The following NBEAL1 variants were observed in gnomAD, a reference collection of about 807,000 sequenced individuals.
NBEAL1 encodes the protein neurobeachin like 1, also known as neurobeachin-like protein 1.
In NBEAL1, 273 loss-of-function variants were observed where a neutral mutation model predicts 351.3. The observed-to-expected ratio is 0.78, with a 90% CI of 0.70 to 0.86. The LOEUF is 0.86. NBEAL1 is among the 40% of genes least tolerant of loss of function. The pLI is 0.00. For synonymous variants in NBEAL1, 1,050 were observed against 1,086.4 expected (o/e 0.97, Z 0.66); for missense variants, 2,961 against 3,201.3 (o/e 0.92, Z 1.81).
chr2:203,070,944 T>C (rs1387948644), intron 7 of NBEAL1, among the ~76,000 whole-genome samples: 1 of 152,192 alleles, frequency 6.6e-6, no homozygotes, highest in African/African-American at 2.4e-5. Context: ...AAAATGTTTT[T>C]GTAGATAAGG....
rs763475955 is a variant in NBEAL1 at position 203,145,098 on chromosome 2, G to A, written c.5242G>A (p.Ala1748Thr). ...ACTTTATTGGAAGGATTGTTATGAAGCTTTAATGGTAAATATGCATAAACG... is the reference window on the plus strand; with the variant it reads ...ACTTTATTGGAAGGATTGTTATGAAACTTTAATGGTAAATATGCATAAACG... ...MALYWKDCYE[A>T]LMVNMHKRDR... is the part of the protein sequence containing the mutation. The change falls in exon 33 of 56, where the codon GCT becomes ACT. Residue 1748 changes from alanine (A) to threonine (T), a missense_variant. Coordinates refer to ENST00000683969, the MANE Select transcript of NBEAL1 (RefSeq NM_001378026.1). The A allele has an allele frequency of 5.0e-6, 8 of 1,613,098 alleles. No homozygotes were observed. Among genetic ancestry groups the A allele is most frequent in the Non-Finnish European group, 6.8e-6 (8 of 1,179,668 alleles).
intron 6 of NBEAL1, among the ~76,000 whole-genome samples, chr2:203,064,257 T>C (rs902237524): frequency 1.3e-5 from 2 of 152,138 alleles, no homozygotes; most frequent in African/African-American, 4.8e-5. Flanking sequence ...TTCACCATGT[T>C]GGCCAGACTG....
At position 203,166,020 on chromosome 2, in the gene NBEAL1, C is replaced by G. The variant is rs139162954; in HGVS notation, c.5715-129C>G. 9.5e-3 allele frequency: 7,693 copies of G among 809,652 alleles called. 414 individuals are homozygous for G. In the African/African-American group the frequency reaches 0.12, roughly 13 times the overall value. 50.2% of individuals were successfully genotyped at this position (809,652 alleles called of 1,614,324 possible). ...CGACATTGTGCCACTGCACTCCAGCCTGGGTGACAGCAAGACCTTGTCTCA... is the reference window on the plus strand; with the variant it reads ...CGACATTGTGCCACTGCACTCCAGCGTGGGTGACAGCAAGACCTTGTCTCA... On this transcript the variant is annotated intron_variant, in intron 36 of 55. Coordinates refer to ENST00000683969, the MANE Select transcript of NBEAL1 (RefSeq NM_001378026.1).
At chr2:203,152,965 G>C (rs1191960511) in intron 35 of NBEAL1, among the ~76,000 whole-genome samples, 1 of 152,012 alleles carries the variant, frequency 6.6e-6, no homozygotes, top group African/African-American at 2.4e-5. Context: ...TTGAACCCGA[G>C]AGGCAGAGGT....
chr2:203,097,753 T>A (rs2062213746), intron 11 of NBEAL1, 120 bp downstream of exon 11: 1 of 233,568 alleles, frequency 4.3e-6, no homozygotes, highest in Non-Finnish European at 7.0e-6. Flanking sequence ...ATTCTAATAT[T>A]TATTAATTAT....
At chr2:203,180,933 ATTTTTTTT>A (rs10671968) in intron 43 of NBEAL1, 2 of 61,698 alleles carry the variant, frequency 3.2e-5, no homozygotes, top group Non-Finnish European at 6.0e-5. Flanking sequence ...CAGCCAGTCA[ATTTTTTTT>A]TTTTTTTTTT....
intron 34 of NBEAL1, among the ~76,000 whole-genome samples, chr2:203,150,624 A>G (rs927626285): frequency 2.0e-5 from 3 of 152,028 alleles, no homozygotes; most frequent in Admixed American, 1.3e-4. Context: ...TTGGTGTCAT[A>G]TCTAAGAAAC....
chr2:203,130,100 T>A (rs1418512026), intron 24 of NBEAL1, among the ~76,000 whole-genome samples: 1 of 152,164 alleles, frequency 6.6e-6, no homozygotes, highest in Non-Finnish European at 1.5e-5. Flanking sequence ...AAGTCGAGGC[T>A]GCAGTGAGCT....
chr2:203,096,677 T>G (rs1341058143), intron 10 of NBEAL1, among the ~76,000 whole-genome samples: 1 of 152,222 alleles, frequency 6.6e-6, no homozygotes, highest in Non-Finnish European at 1.5e-5. Flanking sequence ...TCTTGATGAC[T>G]TTGGAGAATA....
chr2:203,069,915 C>T (rs1238919289), intron 7 of NBEAL1, among the ~76,000 whole-genome samples: 1 of 152,190 alleles, frequency 6.6e-6, no homozygotes, highest in African/African-American at 2.4e-5. Context: ...CCACCTCAGC[C>T]TCTCCAGGTA....
rs71034227 is a variant in NBEAL1 at position 203,190,159 on chromosome 2, T to TACACACACAC, written c.6824-92_6824-83dup. 246 of 450,498 alleles carry TACACACACAC rather than the reference T, an allele frequency of 5.5e-4. 1 individual carries two copies. The highest frequency in any genetic ancestry group is 3.5e-3 in the African/African-American group (146 of 41,550). 27.9% of individuals were successfully genotyped at this position (450,498 alleles called of 1,614,324 possible). On this transcript the variant is annotated intron_variant, in intron 45 of 55. Transcript: ENST00000683969. ...TCAAAAAAAAAAAAAAAGATGTGTG[T>TACACACACAC]ACACACACACACACACACACACACA...
chr2:203,021,857 G>A (rs958950356), intron 2 of NBEAL1, among the ~76,000 whole-genome samples: 1 of 151,820 alleles, frequency 6.6e-6, no homozygotes, highest in Non-Finnish European at 1.5e-5. Flanking sequence ...AGACCAGCGT[G>A]GCCAAAATGG....
intron 36 of NBEAL1, among the ~76,000 whole-genome samples, chr2:203,159,061 C>T (rs1246420798): frequency 2.0e-5 from 3 of 152,036 alleles, no homozygotes; most frequent in Admixed American, 2.0e-4. Flanking sequence ...CCACATGATC[C>T]TCCCGTCTTG....
At chr2:203,018,282 T>TTC (rs2060713558) in intron 2 of NBEAL1, among the ~76,000 whole-genome samples, 1 of 151,630 alleles carries the variant, frequency 6.6e-6, no homozygotes, top group African/African-American at 2.4e-5. Flanking sequence ...CTTTTTTTTT[T>TTC]CACACTTTTA....
rs562043070 is a variant in NBEAL1, at chr2:203,097,530, G to T, written c.1099-17G>T. The stretch of plus-strand genomic sequence containing the variant: ...TTAATGTTCTTTCTCCATTATTCTT[G>T]TCTCTGTTTTTAACAGCTATTTTTA... On this transcript the variant is annotated splice_polypyrimidine_tract_variant and intron_variant, in intron 10 of 55. Transcript: ENST00000683969. The T allele has an allele frequency of 1.0e-6, 1 of 957,848 alleles. No individual in the cohort carries two copies. The highest frequency in any genetic ancestry group is 1.2e-6 in the Non-Finnish European group (1 of 804,510). 59.3% of individuals were successfully genotyped at this position (957,848 alleles called of 1,614,324 possible).
At chr2:203,090,310 T>C (rs532990560) in intron 10 of NBEAL1, among the ~76,000 whole-genome samples, 25 of 152,338 alleles carry the variant, frequency 1.6e-4, no homozygotes, top group African/African-American at 5.5e-4. Flanking sequence ...GTGAACATTA[T>C]ATCCAATGGA....
chr2:203,224,779 C>A lies in NBEAL1; in HGVS notation c.*7425C>A, dbSNP rs2065990984. Among the ~76,000 whole-genome samples, 1 of 152,140 alleles carries A rather than the reference C, an allele frequency of 6.6e-6. No homozygotes were observed. The highest frequency in any genetic ancestry group is 2.1e-4 in the South Asian group (1 of 4,822). ...TATATCTAATTATTGACTGTGCAAA[C>A]TGTGACTCAGTGGATATTTGTATGC... On this transcript the variant is annotated 3_prime_UTR_variant, in exon 56 of 56. Transcript: ENST00000683969.
intron 4 of NBEAL1, among the ~76,000 whole-genome samples, chr2:203,055,969 C>A (rs1321621930): frequency 6.6e-6 from 1 of 151,972 alleles, no homozygotes. Flanking sequence ...TAAAAGGAAA[C>A]CGTAATTCAA....
Position 203,213,666 on chromosome 2 carries a change from A to G in NBEAL1, c.8070+13A>G, listed in dbSNP as rs761357241. 3.1e-6 allele frequency: 5 copies of G among 1,613,526 alleles called. No individual in the cohort carries two copies. Among genetic ancestry groups the G allele is most frequent in the Non-Finnish European group, 4.2e-6 (5 of 1,179,842 alleles). ...CAAGCCTGCTGAGGTAAAACCTAGCATCAGTAATTTCATTTCTCATGCTGT... is the reference window on the plus strand; with the variant it reads ...CAAGCCTGCTGAGGTAAAACCTAGCGTCAGTAATTTCATTTCTCATGCTGT... On this transcript the variant is annotated intron_variant, in intron 55 of 55. Coordinates refer to ENST00000683969, the MANE Select transcript of NBEAL1 (RefSeq NM_001378026.1).
Sources: gnomAD v4.1 joint callset for allele counts (sites outside exome capture counted in the v4.1 genomes callset) on GRCh38, gnomAD v4.1.1 for gene constraint, MANE v1.5 for transcripts, NCBI Gene and HGNC (gene_info 2026-07-23, HGNC 2026-07-21) for gene names.